ANKMY1: variants seen among roughly 807,000 people sequenced by gnomAD.
ANKMY1 encodes ankyrin repeat and MYND domain containing 1.
A neutral mutation model predicts 102.0 loss-of-function variants in ANKMY1; 98 were observed. That is an observed-to-expected ratio of 0.96 (90% CI 0.82 to 1.14). The LOEUF is 1.14. ANKMY1 is among the 50% of genes most tolerant of loss of function. The pLI, the probability that ANKMY1 is intolerant of heterozygous loss-of-function variation, is 0.00. For missense variants in ANKMY1, 1,330 were observed against 1,347.6 expected (o/e 0.99, Z 0.20); for synonymous variants, 582 against 559.9 (o/e 1.04, Z -0.56).
intron 15 of ANKMY1, 106 bp from the exon 16 acceptor site, chr2:240,482,367 C>T (rs1391000327): frequency 6.1e-6 from 6 of 991,134 alleles, no homozygotes; most frequent in Admixed American, 2.7e-5. Flanking sequence ...CTGCACTACT[C>T]GGGAGGCGGA....
At chr2:240,553,260 A>T in intron 3 of ANKMY1, 1 of 609,364 alleles carries the variant, frequency 1.6e-6, no homozygotes, top group South Asian at 2.0e-5. Flanking sequence ...CCTGATAGCC[A>T]GGCTCCCTCT....
At chr2:240,504,988 C>G (rs2078816693) in intron 13 of ANKMY1, among the ~76,000 whole-genome samples, 1 of 150,106 alleles carries the variant, frequency 6.7e-6, no homozygotes, top group African/African-American at 2.4e-5. Context: ...CTCTGTTAAA[C>G]ACACACACAC....
the ANKMY1 span, among the ~76,000 whole-genome samples, chr2:240,471,840 C>T: frequency 6.3e-4 from 96 of 152,282 alleles, no homozygotes; most frequent in African/African-American, 2.1e-3. Flanking sequence ...CTTTGCAGAT[C>T]CAGAAATGGC....
intron 15 of ANKMY1, among the ~76,000 whole-genome samples, chr2:240,492,518 T>C (rs995287069): frequency 3.3e-5 from 5 of 152,228 alleles, no homozygotes; most frequent in Non-Finnish European, 5.9e-5. Context: ...CTTTCAAATG[T>C]ATTTTGTATT....
At chr2:240,476,959 TAGG>T (rs1271962355), downstream of ANKMY1, among the ~76,000 whole-genome samples, 20 of 152,196 alleles carry the variant, frequency 1.3e-4, no homozygotes, top group African/African-American at 4.8e-4. Context: ...ACACAAGGCA[TAGG>T]AGAAGTTGCT....
At chr2:240,525,579 G>T in intron 7 of ANKMY1, 106 bp downstream of exon 7, 1 of 1,395,712 alleles carries the variant, frequency 7.2e-7, no homozygotes, top group Non-Finnish European at 9.8e-7. Context: ...AACTCACCCT[G>T]TACAAGCCTG....
In ANKMY1 at chr2:240,529,067, A is replaced by T; in HGVS notation, c.923T>A (p.Val308Asp). 6.2e-7 allele frequency: 1 copy of T among 1,614,106 alleles called. No individual in the cohort carries two copies. Among genetic ancestry groups the T allele is most frequent in the Non-Finnish European group, 8.5e-7 (1 of 1,180,002 alleles). ...CTTGTAAGTTTGCTTCTGGATTTTG[A>T]CCAACAAAGGGGTCTCATTGATTAT... Reference protein sequence around the residue: ...WFIINETPLLVKIQKQTYKFR... With the variant: ...WFIINETPLLDKIQKQTYKFR... The change falls in exon 5 of 18, where the codon GTC (valine) becomes GAC (aspartate). Residue 308 changes from valine (V) to aspartate (D), a missense_variant. Coordinates refer to ENST00000401804, the MANE Select transcript of ANKMY1 (RefSeq NM_001282771.3). This position sits in a 1 kb window ranked among gnomAD's most constrained non-coding sequence, Gnocchi z 4.2.
In ANKMY1 at chr2:240,520,358, C is replaced by T; in HGVS notation, c.2004+4G>A. ...TCCCGGCGCCCGCCCGCCGCGGCTC[C>T]TACCTGCGGCGGAAAGCAGATGTCG... On this transcript the variant is annotated splice_donor_region_variant and intron_variant, in intron 9 of 17. Transcript: ENST00000401804. This position sits in a 1 kb window ranked among gnomAD's most constrained non-coding sequence, Gnocchi z 4.8. The T allele has an allele frequency of 2.6e-6, 4 of 1,541,010 alleles. No homozygotes were observed. The highest frequency in any genetic ancestry group is 2.6e-6 in the Non-Finnish European group (3 of 1,140,836).
chr2:240,494,877 C>G (rs1259498090), intron 15 of ANKMY1, among the ~76,000 whole-genome samples: 1 of 151,904 alleles, frequency 6.6e-6, no homozygotes, highest in South Asian at 2.1e-4. Flanking sequence ...ACAAGCTGTT[C>G]CAGTGTAATA....
intron 2 of ANKMY1, among the ~76,000 whole-genome samples, chr2:240,556,793 A>G (rs1005217550): frequency 2.0e-5 from 3 of 152,152 alleles, no homozygotes; most frequent in African/African-American, 7.2e-5. Flanking sequence ...GGAGGCCCAC[A>G]AACAGGGACA....
At chr2:240,553,375 G>C (rs1157140949) in intron 3 of ANKMY1, 1 of 335,794 alleles carries the variant, frequency 3.0e-6, no homozygotes, top group Non-Finnish European at 5.8e-6. Context: ...CTTGATCTTA[G>C]GTTTGGAGGG....
chr2:240,525,803 G>A lies in ANKMY1; in HGVS notation c.1217C>T (p.Ala406Val), dbSNP rs1035775513. ...CTCATCTGAGCACTTGTTCACGTCGGCCCCACAGTCCAGGAGAAGGTTGAC... is the reference window on the plus strand; with the variant it reads ...CTCATCTGAGCACTTGTTCACGTCGACCCCACAGTCCAGGAGAAGGTTGAC... ...DIVNLLLDCG[A>V]DVNKCSDEGL... Residue 406 changes from alanine to valine, a missense_variant, in exon 7 of 18, where the codon GCC becomes GTC. Ala to Val is a moderately conservative substitution (Grantham distance 64). Coordinates refer to ENST00000401804, the MANE Select transcript of ANKMY1 (RefSeq NM_001282771.3). The A allele has an allele frequency of 1.5e-5, 24 of 1,614,124 alleles. No individual in the cohort carries two copies. The highest frequency in any genetic ancestry group is 1.9e-5 in the Non-Finnish European group (23 of 1,180,004).
rs76945850 is a variant in ANKMY1, at chr2:240,503,356, G to A, written c.2527-2791C>T. On this transcript the variant is annotated intron_variant, in intron 13 of 17. Coordinates refer to ENST00000401804, the MANE Select transcript of ANKMY1 (RefSeq NM_001282771.3). Reference sequence around the variant, plus strand: ...TCCCCCTGGAGGGGACTTTCTGAAGGTCCCCTGGCTGATGAAAGCTCCTTT... The same window carrying A: ...TCCCCCTGGAGGGGACTTTCTGAAGATCCCCTGGCTGATGAAAGCTCCTTT... 5.7e-3 allele frequency among the ~76,000 whole-genome samples: 861 copies of A among 152,296 alleles called. 9 individuals are homozygous for A. Among genetic ancestry groups the A allele is most frequent in the African/African-American group, 0.019 (810 of 41,560 alleles).
At chr2:240,516,149 G>T (rs2081166038) in intron 9 of ANKMY1, among the ~76,000 whole-genome samples, 1 of 100,300 alleles carries the variant, frequency 1.0e-5, no homozygotes, top group Non-Finnish European at 2.1e-5. Flanking sequence ...GTTTTTGTGG[G>T]GTTTTTTTTT....
Position 240,520,448 on chromosome 2 carries a change from A to C in ANKMY1, c.1918T>G (p.Phe640Val). ...ACGTCCCCGGCCTTCACAGCAAGGA[A>C]CAGGACCTGCATGGGCACGCAGCAC... ...NLCCVPMQVLFLAVKAGDVDG... is the reference protein window; with the variant it reads ...NLCCVPMQVLVLAVKAGDVDG... The change falls in exon 9 of 18, where the codon TTC (phenylalanine) becomes GTC (valine). Residue 640 changes from phenylalanine to valine, a missense_variant. Physicochemically the swap from Phe to Val is conservative, Grantham distance 50 (BLOSUM62 -1). Coordinates refer to ENST00000401804, the MANE Select transcript of ANKMY1 (RefSeq NM_001282771.3). This position sits in a 1 kb window ranked among gnomAD's most constrained non-coding sequence, Gnocchi z 4.8. The C allele has an allele frequency of 1.9e-6, 3 of 1,613,294 alleles. No homozygotes were observed. The highest frequency in any genetic ancestry group is 2.5e-6 in the Non-Finnish European group (3 of 1,179,732).
In ANKMY1 at chr2:240,499,655, GA is replaced by G. The variant is rs1309975697; in HGVS notation, c.2806+302del. Among the ~76,000 whole-genome samples, 2 of 152,018 alleles carry G rather than the reference GA, an allele frequency of 1.3e-5. No homozygotes were observed. Among genetic ancestry groups the G allele is most frequent in the African/African-American group, 4.8e-5 (2 of 41,354 alleles). On this transcript the variant is annotated intron_variant, in intron 15 of 17. Transcript: ENST00000401804. The surrounding 1 kb of genome is among the most constrained non-coding windows in gnomAD (Gnocchi z 4.2). ...CTGTGCCGGATAGACTGGCACTCCT[GA>G]CAGGGCTCCCGCAGCAGTGCCTAGT... is the stretch of plus-strand genomic sequence containing the variant.
At chr2:240,496,237 T>C (rs905904314) in intron 15 of ANKMY1, among the ~76,000 whole-genome samples, 1 of 152,248 alleles carries the variant, frequency 6.6e-6, no homozygotes, top group East Asian at 1.9e-4. Context: ...GAAACTCCAT[T>C]AAGCTTCCTA....
chr2:240,504,944 A>G (rs961133344), intron 13 of ANKMY1, among the ~76,000 whole-genome samples: 1 of 152,178 alleles, frequency 6.6e-6, no homozygotes, highest in Non-Finnish European at 1.5e-5. Flanking sequence ...CAGAGATCAC[A>G]TCACTGCACT....
chr2:240,560,718 G>A (rs2092910857), upstream of ANKMY1: 2 of 1,524,916 alleles, frequency 1.3e-6, no homozygotes, highest in South Asian at 1.2e-5. Flanking sequence ...CCGCGGGGCC[G>A]CCTCGCCCGT....
Sources: allele counts gnomAD v4.1 joint callset (sites outside exome capture counted in the v4.1 genomes callset), GRCh38; gene constraint gnomAD v4.1.1; non-coding constraint Gnocchi (gnomAD v3.1); transcripts MANE v1.5; gene names NCBI Gene and HGNC (gene_info 2026-07-23, HGNC 2026-07-21).